Variants in MCC observed in about 807,000 individuals in gnomAD.
MCC encodes the protein MCC regulator of Wnt signaling pathway.
Under a neutral mutation model 116.2 loss-of-function variants are expected in MCC, and 90 were observed. That is an observed-to-expected ratio of 0.77 (90% CI 0.65 to 0.92). The LOEUF (loss-of-function observed/expected upper bound fraction) is 0.92, where lower values mean the gene tolerates loss of function less well. MCC is among the 40% of genes least tolerant of loss of function. The pLI, the probability that MCC is intolerant of heterozygous loss-of-function variation, is 0.00. For synonymous variants in MCC, 578 were observed against 510.5 expected, an observed-to-expected ratio of 1.13 and a Z score of -1.78; for missense variants, 1,516 against 1,312.2, an observed-to-expected ratio of 1.16 and a Z score of -2.40.
chr5:113,146,115 A>C (rs1028207549), intron 4 of MCC, among the ~76,000 whole-genome samples: 16 of 105,406 alleles, frequency 1.5e-4, no homozygotes, highest in African/African-American at 3.9e-4. Flanking sequence ...TTTTTCCGTA[A>C]GTTTTAAAAA....
intron 1 of MCC, among the ~76,000 whole-genome samples, chr5:113,467,915 G>T (rs1455878883): frequency 2.0e-5 from 3 of 152,112 alleles, no homozygotes; most frequent in East Asian, 3.8e-4. Flanking sequence ...TTGTAAGTTG[G>T]ATTCCTAGGT....
intron 2 of MCC, among the ~76,000 whole-genome samples, chr5:113,370,449 T>A (rs1419923925): frequency 7.2e-5 from 11 of 152,192 alleles, no homozygotes. Flanking sequence ...GTATCAGAAG[T>A]GACCGTGGGT....
chr5:113,221,987 T>C (rs1763568546), intron 3 of MCC, among the ~76,000 whole-genome samples: 2 of 152,204 alleles, frequency 1.3e-5, no homozygotes, highest in African/African-American at 4.8e-5. Flanking sequence ...GTGGTTACAT[T>C]AGGAAGGGGG....
chr5:113,291,135 A>T (rs1273392548), intron 3 of MCC, among the ~76,000 whole-genome samples: 1 of 152,238 alleles, frequency 6.6e-6, no homozygotes, highest in Non-Finnish European at 1.5e-5. Context: ...CAAACTAAAG[A>T]TACAAAAGGA....
chr5:113,369,720 A>G (rs1044706280), intron 2 of MCC, among the ~76,000 whole-genome samples: 3 of 152,180 alleles, frequency 2.0e-5, no homozygotes, highest in Admixed American at 6.6e-5. Flanking sequence ...GTTGGGCCCA[A>G]TTTAGGAAAC....
At chr5:113,427,042 T>C (rs752018871) in intron 1 of MCC, among the ~76,000 whole-genome samples, 4 of 152,156 alleles carry the variant, frequency 2.6e-5, no homozygotes, top group Non-Finnish European at 5.9e-5. Context: ...AATTGATATA[T>C]TTTTTCTATC....
chr5:113,050,269 C>T (rs1392218766), intron 15 of MCC, among the ~76,000 whole-genome samples: 1 of 152,210 alleles, frequency 6.6e-6, no homozygotes, highest in East Asian at 1.9e-4. Flanking sequence ...TGAGCCCACG[C>T]ATGACTCTTG....
At chr5:113,266,836 C>T (rs1007978639) in intron 3 of MCC, among the ~76,000 whole-genome samples, 6 of 151,934 alleles carry the variant, frequency 3.9e-5, no homozygotes, top group African/African-American at 1.5e-4. Flanking sequence ...AACAAAAAAA[C>T]CTATAAAAGA....
intron 8 of MCC, among the ~76,000 whole-genome samples, chr5:113,100,570 C>G (rs1756341878): frequency 7.1e-6 from 1 of 140,112 alleles, no homozygotes; most frequent in Admixed American, 8.1e-5. Context: ...CTCCCGGGTT[C>G]AAGCGATTCT....
At chr5:113,355,482 T>C (rs893382495) in intron 2 of MCC, among the ~76,000 whole-genome samples, 1 of 152,130 alleles carries the variant, frequency 6.6e-6, no homozygotes, top group Non-Finnish European at 1.5e-5. Context: ...AATGAAGAGA[T>C]AACCACTATA....
At chr5:113,071,381 C>G in intron 11 of MCC, 147 bp from the exon 12 acceptor site, 4 of 813,452 alleles carry the variant, frequency 4.9e-6, no homozygotes, top group Non-Finnish European at 7.9e-6. Flanking sequence ...GTCAAAGAAG[C>G]AACTCTACAT....
At chr5:113,044,014 GC>G (rs1241623065) in intron 16 of MCC, among the ~76,000 whole-genome samples, 1 of 152,230 alleles carries the variant, frequency 6.6e-6, no homozygotes, top group Non-Finnish European at 1.5e-5. Flanking sequence ...AAGTTATGCG[GC>G]CCAGTCACCA....
chr5:113,199,222 G>T (rs913385204), intron 3 of MCC, among the ~76,000 whole-genome samples: 1 of 151,750 alleles, frequency 6.6e-6, no homozygotes, highest in African/African-American at 2.4e-5. Flanking sequence ...ATCCTGCAAG[G>T]ACAGGTGTTA....
At chr5:113,487,154 T>G (rs1278129280) in intron 1 of MCC, among the ~76,000 whole-genome samples, 2 of 151,864 alleles carry the variant, frequency 1.3e-5, no homozygotes, top group Non-Finnish European at 2.9e-5. Context: ...CCCAAATAAA[T>G]AATTTTTTTT....
chr5:113,423,006 C>T (rs549982229), intron 1 of MCC, among the ~76,000 whole-genome samples: 3 of 152,178 alleles, frequency 2.0e-5, no homozygotes, highest in Non-Finnish European at 2.9e-5. Context: ...CAAATCAATA[C>T]TCATCGTGTT....
chr5:113,188,089 G>A (rs1271471029), intron 3 of MCC, among the ~76,000 whole-genome samples: 1 of 152,202 alleles, frequency 6.6e-6, no homozygotes, highest in Non-Finnish European at 1.5e-5. Context: ...GGATGTAAAA[G>A]AGGCCATGTA....
chr5:113,443,911 C>T (rs139623848), intron 1 of MCC, among the ~76,000 whole-genome samples: 93 of 152,206 alleles, frequency 6.1e-4, no homozygotes, highest in African/African-American at 2.1e-3. Flanking sequence ...GCAACCTCCA[C>T]CTCCTGGTTC....
At chr5:113,343,792 T>G (rs927822677) in intron 2 of MCC, among the ~76,000 whole-genome samples, 1 of 152,232 alleles carries the variant, frequency 6.6e-6, no homozygotes, top group Non-Finnish European at 1.5e-5. Flanking sequence ...AAATAAATTA[T>G]ACATTTAAAC....
Position 113,046,317 on chromosome 5 carries a change from C to T in MCC, c.2656-2687G>A, listed in dbSNP as rs546493024. The stretch of plus-strand genomic sequence containing the variant: ...AAGCAGTTCTTGTGCCGCAGCCTCC[C>T]GAGTAGCTGGGATTACAGGCGCCAC... On this transcript the variant is annotated intron_variant, in intron 16 of 18. Transcript: ENST00000408903. Among the ~76,000 whole-genome samples, 12 of 152,082 alleles carry T rather than the reference C, an allele frequency of 7.9e-5. No individual in the cohort carries two copies. In the South Asian group the frequency reaches 2.3e-3, roughly 29 times the overall value.
Sources: gnomAD v4.1 joint callset for allele counts (sites outside exome capture counted in the v4.1 genomes callset) on GRCh38, gnomAD v4.1.1 for gene constraint, MANE v1.5 for transcripts, NCBI Gene and HGNC (gene_info 2026-07-23, HGNC 2026-07-21) for gene names.